Variants in PTPRR observed in about 807,000 individuals in gnomAD.
The protein encoded by PTPRR is protein tyrosine phosphatase receptor type R.
PTPRR carries 38 observed loss-of-function variants against 77.2 expected under a neutral mutation model. That is an observed-to-expected ratio of 0.49 (90% CI 0.38 to 0.65). The LOEUF (loss-of-function observed/expected upper bound fraction) is 0.65. Among genes scored for constraint, PTPRR ranks in the 30% least tolerant of loss-of-function variants. The pLI is 0.00. For synonymous variants in PTPRR, 299 were observed against 283.1 expected, an observed-to-expected ratio of 1.06 and a Z score of -0.57; for missense variants, 744 against 799.2, an observed-to-expected ratio of 0.93 and a Z score of 0.83.
intron 1 of PTPRR, among the ~76,000 whole-genome samples, chr12:70,904,289 G>T (rs182575967): frequency 1.3e-5 from 2 of 151,804 alleles, no homozygotes; most frequent in African/African-American, 4.8e-5. Flanking sequence ...ATTCATAATT[G>T]CCCCCAAATG....
rs757455171 is a variant in PTPRR, at chr12:70,684,756, G to A, written c.1307C>T (p.Pro436Leu). 1 of 1,605,742 alleles carries A rather than the reference G, an allele frequency of 6.2e-7. No homozygotes were observed. The highest frequency in any genetic ancestry group is 2.2e-5 in the East Asian group (1 of 44,726). ...GCTCAATGAATCGGTTACATTTTTTGGTCTTAAACACACTCTGCTGAGGGG... is the reference window on the plus strand; with the variant it reads ...GCTCAATGAATCGGTTACATTTTTTAGTCTTAAACACACTCTGCTGAGGGG... The part of the protein sequence containing the change: ...PNPLSRVCLR[P>L]KNVTDSLSTY... Residue 436 changes from proline (P) to leucine (L), a missense_variant, in exon 9 of 14, where the codon CCA becomes CTA. Transcript: ENST00000283228.
chr12:70,910,464 A>G (rs1196498050), intron 1 of PTPRR, among the ~76,000 whole-genome samples: 1 of 152,172 alleles, frequency 6.6e-6, no homozygotes, highest in African/African-American at 2.4e-5. Flanking sequence ...TTAGCACATC[A>G]AAGGGATTTA....
chr12:70,756,756 A>G (rs1241810241), intron 4 of PTPRR, among the ~76,000 whole-genome samples: 3 of 152,162 alleles, frequency 2.0e-5, no homozygotes, highest in African/African-American at 7.2e-5. Flanking sequence ...ACTATAGCTC[A>G]TTCTTCTTTC....
intron 2 of PTPRR, among the ~76,000 whole-genome samples, chr12:70,835,557 C>T (rs145451444): frequency 2.4e-3 from 368 of 152,158 alleles, no homozygotes; most frequent in Non-Finnish European, 3.6e-3. Flanking sequence ...AGCCAAGCTA[C>T]TCATGTATTC....
chr12:70,847,602 C>A (rs1212132269), intron 2 of PTPRR, among the ~76,000 whole-genome samples: 1 of 152,146 alleles, frequency 6.6e-6, no homozygotes, highest in Non-Finnish European at 1.5e-5. Flanking sequence ...CTCCATTCTC[C>A]ACTTGAACCA....
chr12:70,898,816 G>A (rs1893481541), intron 1 of PTPRR, among the ~76,000 whole-genome samples: 1 of 151,222 alleles, frequency 6.6e-6, no homozygotes, highest in Non-Finnish European at 1.5e-5. Context: ...GAAAAGATTA[G>A]TAAAGCTGAT....
intron 2 of PTPRR, among the ~76,000 whole-genome samples, chr12:70,823,534 TTTTTG>T (rs1005759992): frequency 5.9e-5 from 9 of 152,230 alleles, no homozygotes; most frequent in African/African-American, 2.2e-4. Flanking sequence ...CTGTGTGTTT[TTTTTG>T]TTTTGTTTTG....
At chr12:70,900,836 C>T (rs1893521627) in intron 1 of PTPRR, among the ~76,000 whole-genome samples, 1 of 151,486 alleles carries the variant, frequency 6.6e-6, no homozygotes, top group Admixed American at 6.6e-5. Flanking sequence ...ACACCACATA[C>T]CTGTTAGAAT....
In PTPRR at chr12:70,719,466, C is replaced by A. The variant is rs77275283; in HGVS notation, c.1008-18143G>T. 3.3e-5 allele frequency among the ~76,000 whole-genome samples: 5 copies of A among 151,960 alleles called. No homozygotes were observed. The East Asian group carries it at 9.7e-4, about 29-fold the overall frequency. Reference sequence around the variant, plus strand: ...AAATCCTAATGGAACTCCTTGACAACCCCTTGACTAAATTACATTAGTAAT... The same window carrying A: ...AAATCCTAATGGAACTCCTTGACAAACCCTTGACTAAATTACATTAGTAAT... On this transcript the variant is annotated intron_variant, in intron 6 of 13. Coordinates refer to ENST00000283228, the MANE Select transcript of PTPRR (RefSeq NM_002849.4).
intron 1 of PTPRR, among the ~76,000 whole-genome samples, chr12:70,919,695 T>G (rs1409981054): frequency 9.5e-6 from 1 of 105,566 alleles, no homozygotes; most frequent in Non-Finnish European, 1.9e-5. Context: ...TTTTTTTTTT[T>G]TTTTTTTTTT....
chr12:70,823,108 G>GACACACACACACACACACAC (rs58549756), intron 2 of PTPRR, among the ~76,000 whole-genome samples: 17 of 139,582 alleles, frequency 1.2e-4, no homozygotes, highest in African/African-American at 1.9e-4. Flanking sequence ...CTCTCTCTCT[G>GACACACACACACACACACAC]ACACACACAC....
In PTPRR at chr12:70,690,742, G is replaced by T. The variant is rs181630102; in HGVS notation, c.1280-5959C>A. ...CTGATATTGGTTAGATTCGTTTAGTGCTAGCAACATTGTCTTAAATTCTAA... is the reference window on the plus strand; with the variant it reads ...CTGATATTGGTTAGATTCGTTTAGTTCTAGCAACATTGTCTTAAATTCTAA... On this transcript the variant is annotated intron_variant, in intron 8 of 13. Transcript: ENST00000283228. Among the ~76,000 whole-genome samples the T allele has an allele frequency of 4.2e-4, 64 of 152,302 alleles. 2 individuals carry two copies. Among genetic ancestry groups the T allele is most frequent in the Non-Finnish European group, 3.2e-4 (22 of 68,026 alleles).
intron 2 of PTPRR, among the ~76,000 whole-genome samples, chr12:70,772,719 C>T (rs1378000526): frequency 6.6e-6 from 1 of 151,762 alleles, no homozygotes; most frequent in African/African-American, 2.4e-5. Context: ...CAGAAAAGGG[C>T]AGAATCATTG....
At chr12:70,913,223 C>G (rs1893725365) in intron 1 of PTPRR, among the ~76,000 whole-genome samples, 1 of 151,896 alleles carries the variant, frequency 6.6e-6, no homozygotes, top group South Asian at 2.1e-4. Flanking sequence ...ATGTGGGATC[C>G]AAAAACTTTA....
At chr12:70,698,844 G>A (rs374142754) in intron 7 of PTPRR, among the ~76,000 whole-genome samples, 161 of 152,200 alleles carry the variant, frequency 1.1e-3, no homozygotes, top group African/African-American at 3.5e-3. Context: ...TTCAAGTGAT[G>A]ACATGACTTT....
At chr12:70,740,166 T>C (rs897844751) in intron 6 of PTPRR, among the ~76,000 whole-genome samples, 1 of 152,048 alleles carries the variant, frequency 6.6e-6, no homozygotes, top group African/African-American at 2.4e-5. Context: ...ATAATATATA[T>C]GAAACATATT....
chr12:70,667,191 C>T (rs1478886259), intron 10 of PTPRR, among the ~76,000 whole-genome samples: 2 of 151,876 alleles, frequency 1.3e-5, no homozygotes, highest in Admixed American at 6.6e-5. Context: ...CTCCTGACGT[C>T]GTGATCCTCC....
chr12:70,668,863 T>C (rs1887109947), intron 10 of PTPRR, among the ~76,000 whole-genome samples: 1 of 152,226 alleles, frequency 6.6e-6, no homozygotes, highest in South Asian at 2.1e-4. Context: ...GCTCAGTTGC[T>C]TAGTCAATAT....
intron 2 of PTPRR, among the ~76,000 whole-genome samples, chr12:70,810,992 G>A (rs1174082826): frequency 6.6e-6 from 1 of 151,992 alleles, no homozygotes; most frequent in Non-Finnish European, 1.5e-5. Flanking sequence ...GCAGTGAAGC[G>A]TTTAACAAAA....
Sources: gnomAD v4.1 joint callset for allele counts (sites outside exome capture counted in the v4.1 genomes callset) on GRCh38, gnomAD v4.1.1 for gene constraint, MANE v1.5 for transcripts, NCBI Gene and HGNC (gene_info 2026-07-23, HGNC 2026-07-21) for gene names.